Variants in FGGY observed in about 807,000 individuals in gnomAD.
The protein encoded by FGGY is FGGY carbohydrate kinase domain-containing protein.
A neutral mutation model predicts 71.3 loss-of-function variants in FGGY; 72 were observed. That is an observed-to-expected ratio of 1.01 (90% CI 0.84 to 1.23). The LOEUF (loss-of-function observed/expected upper bound fraction) is 1.23. Among genes scored for constraint, FGGY ranks in the 50% most tolerant of loss-of-function variants. The pLI, the probability that FGGY is intolerant of heterozygous loss-of-function variation, is 0.00. For missense variants in FGGY, 668 were observed against 682.3 expected (o/e 0.98, Z 0.23); for synonymous variants, 251 against 250.3 (o/e 1.00, Z -0.02).
At chr1:59,343,949 C>T (rs1264056077) in intron 3 of FGGY, among the ~76,000 whole-genome samples, 1 of 151,998 alleles carries the variant, frequency 6.6e-6, no homozygotes. Flanking sequence ...TGATATTGTC[C>T]CCTTCAACAC....
chr1:59,671,036 TC>T (rs2153975829), intron 13 of FGGY, among the ~76,000 whole-genome samples: 1 of 152,344 alleles, frequency 6.6e-6, no homozygotes, highest in African/African-American at 2.4e-5. Context: ...ATTTGTTCTT[TC>T]ATTTATTCAC....
At chr1:59,725,385 A>T (rs2100759810) in intron 14 of FGGY, among the ~76,000 whole-genome samples, 1 of 152,276 alleles carries the variant, frequency 6.6e-6, no homozygotes, top group Middle Eastern at 3.4e-3. Context: ...CTTTACAGTA[A>T]GTCATGAAGT....
At chr1:59,683,288 C>G (rs546279763) in intron 14 of FGGY, among the ~76,000 whole-genome samples, 43 of 152,280 alleles carry the variant, frequency 2.8e-4, no homozygotes, top group African/African-American at 1.0e-3. Context: ...AGCCAGCACT[C>G]AAATTCAGAT....
intron 6 of FGGY, among the ~76,000 whole-genome samples, chr1:59,472,839 A>C (rs370300144): frequency 4.6e-5 from 7 of 151,808 alleles, no homozygotes; most frequent in African/African-American, 1.7e-4. Context: ...TATCTAGCTG[A>C]AGGTTTGTAA....
At chr1:59,612,457 G>T (rs560098863) in intron 9 of FGGY, among the ~76,000 whole-genome samples, 1 of 152,114 alleles carries the variant, frequency 6.6e-6, no homozygotes, top group Admixed American at 6.5e-5. Context: ...GAGAGATTTT[G>T]TCACCACCAG....
At chr1:59,538,695 G>A (rs1424330415) in intron 7 of FGGY, among the ~76,000 whole-genome samples, 1 of 152,004 alleles carries the variant, frequency 6.6e-6, no homozygotes, top group African/African-American at 2.4e-5. Flanking sequence ...TCCTTTGTTA[G>A]GGACATGGAT....
chr1:59,494,174 A>T lies in FGGY; in HGVS notation c.671-18137A>T, dbSNP rs117356008. ...CAAGACAGTAAGGTTACATCACATT[A>T]CCATGTGAGATGGAGAAACCAGACA... is the stretch of plus-strand genomic sequence containing the variant. On this transcript the variant is annotated intron_variant, in intron 6 of 15. Transcript: ENST00000303721. Among the ~76,000 whole-genome samples the T allele has an allele frequency of 4.5e-4, 69 of 152,340 alleles. No individual in the cohort carries two copies. The East Asian group carries it at 0.011, about 25-fold the overall frequency.
At chr1:59,699,386 T>C in intron 14 of FGGY, 2 of 985,462 alleles carry the variant, frequency 2.0e-6, no homozygotes, top group Non-Finnish European at 2.4e-6. Flanking sequence ...AATGTACTTT[T>C]TCTTTTTGAC....
intron 10 of FGGY, among the ~76,000 whole-genome samples, chr1:59,631,106 CT>C (rs559720075): frequency 6.5e-4 from 99 of 152,282 alleles, no homozygotes; most frequent in Non-Finnish European, 1.2e-3. Flanking sequence ...TCAGTGATCA[CT>C]TTTTCCTCCT....
At chr1:59,585,419 A>G (rs2153767349) in intron 8 of FGGY, among the ~76,000 whole-genome samples, 1 of 152,368 alleles carries the variant, frequency 6.6e-6, no homozygotes, top group East Asian at 1.9e-4. Flanking sequence ...AGAAATGGGG[A>G]AAGGATTCCC....
intron 14 of FGGY, among the ~76,000 whole-genome samples, chr1:59,709,197 G>A (rs901294481): frequency 9.2e-5 from 14 of 152,186 alleles, no homozygotes; most frequent in African/African-American, 3.4e-4. Flanking sequence ...AGTTCCACAT[G>A]GCTGGGGAGG....
chr1:59,476,446 C>G (rs1485953223), intron 6 of FGGY, among the ~76,000 whole-genome samples: 1 of 152,220 alleles, frequency 6.6e-6, no homozygotes. Context: ...CAGGTCTGCT[C>G]CAGATCCTGC....
intron 5 of FGGY, among the ~76,000 whole-genome samples, chr1:59,400,479 G>C (rs1432195493): frequency 6.6e-6 from 1 of 150,812 alleles, no homozygotes; most frequent in Non-Finnish European, 1.5e-5. Flanking sequence ...TTTAAAATTT[G>C]TAATTTTAAA....
chr1:59,684,458 C>T (rs1459962005), intron 14 of FGGY, among the ~76,000 whole-genome samples: 2 of 152,148 alleles, frequency 1.3e-5, no homozygotes, highest in African/African-American at 4.8e-5. Flanking sequence ...CTCAGGGTAC[C>T]GTGGGACCCC....
intron 9 of FGGY, among the ~76,000 whole-genome samples, chr1:59,618,957 T>A (rs111418647): frequency 2.0e-5 from 3 of 152,116 alleles, no homozygotes; most frequent in African/African-American, 7.2e-5. Flanking sequence ...TGCCTCCCTG[T>A]TCCCTTCTCC....
intron 1 of FGGY, among the ~76,000 whole-genome samples, chr1:59,305,070 C>T (rs570388949): frequency 1.6e-3 from 246 of 152,172 alleles, no homozygotes; most frequent in Non-Finnish European, 3.0e-3. Context: ...TTTGTAATTG[C>T]TCTAGCTAGG....
chr1:59,621,013 G>C (rs977576062), intron 9 of FGGY, among the ~76,000 whole-genome samples: 4 of 152,092 alleles, frequency 2.6e-5, no homozygotes. Flanking sequence ...CTGTGATCAA[G>C]GTGCTGGCAA....
intron 10 of FGGY, among the ~76,000 whole-genome samples, chr1:59,637,141 AT>A: frequency 6.6e-6 from 1 of 152,100 alleles, no homozygotes; most frequent in Non-Finnish European, 1.5e-5. Context: ...AACCTATTTT[AT>A]GAGTGGGAAA....
chr1:59,314,126 C>T (rs978844904), intron 1 of FGGY, among the ~76,000 whole-genome samples: 6 of 152,104 alleles, frequency 3.9e-5, no homozygotes, highest in African/African-American at 9.7e-5. Context: ...CCACCACACT[C>T]GGCTAATTTT....
Sources: gnomAD v4.1 joint callset for allele counts (sites outside exome capture counted in the v4.1 genomes callset) on GRCh38, gnomAD v4.1.1 for gene constraint, MANE v1.5 for transcripts, NCBI Gene and HGNC (gene_info 2026-07-23, HGNC 2026-07-21) for gene names.